PIK3CG: variants seen among roughly 807,000 people sequenced by gnomAD.
PIK3CG encodes phosphatidylinositol-4,5-bisphosphate 3-kinase catalytic subunit gamma.
PIK3CG carries 55 observed loss-of-function variants against 102.3 expected under a neutral mutation model. That is an observed-to-expected ratio of 0.54 (90% CI 0.43 to 0.67). The LOEUF is 0.67. Ranked by LOEUF, PIK3CG falls within the 30% of genes least tolerant of loss-of-function variation. The pLI is 0.00. For synonymous variants in PIK3CG, 552 were observed against 540.0 expected (o/e 1.02, Z -0.31); for missense variants, 1,258 against 1,391.8 (o/e 0.90, Z 1.53).
intron 5 of PIK3CG, among the ~76,000 whole-genome samples, chr7:106,878,454 C>A (rs1790830816): frequency 6.6e-6 from 1 of 152,156 alleles, no homozygotes; most frequent in South Asian, 2.1e-4. Flanking sequence ...TTTCTCTCCT[C>A]TCTGAGACTT....
chr7:106,868,121 A>C lies in PIK3CG; in HGVS notation c.560A>C (p.Glu187Ala), dbSNP rs745445867. Residue 187 changes from glutamate (E) to alanine (A), a missense_variant, in exon 2 of 11, where the codon GAG becomes GCG. This residue lies in a region of PIK3CG where 832 missense variants were observed against 787.5 expected (regional missense o/e 1.06). Coordinates refer to ENST00000496166, the MANE Select transcript of PIK3CG (RefSeq NM_001282426.2). The surrounding 1 kb of genome is among the most constrained non-coding windows in gnomAD (Gnocchi z 6.2). ...RRGLVTPRMA[E>A]VASRDPKLYA... is the part of the protein sequence containing the mutation. ...GGCTTGGTGACCCCGCGCATGGCGGAGGTGGCCAGCCGCGACCCCAAGCTC... is the reference window on the plus strand; with the variant it reads ...GGCTTGGTGACCCCGCGCATGGCGGCGGTGGCCAGCCGCGACCCCAAGCTC... 2 of 1,611,364 alleles carry C rather than the reference A, an allele frequency of 1.2e-6. No individual in the cohort carries two copies. The highest frequency in any genetic ancestry group is 4.5e-5 in the East Asian group (2 of 44,650).
Position 106,899,172 on chromosome 7 carries a change from T to C in PIK3CG, c.3031-5937T>C, listed in dbSNP as rs910317156. Among the ~76,000 whole-genome samples, 3 of 152,134 alleles carry C rather than the reference T, an allele frequency of 2.0e-5. No individual in the cohort carries two copies. Among genetic ancestry groups the C allele is most frequent in the African/African-American group, 7.2e-5 (3 of 41,436 alleles). On this transcript the variant is annotated intron_variant, in intron 10 of 10. Transcript: ENST00000496166. This position sits in a 1 kb window ranked among gnomAD's most constrained non-coding sequence, Gnocchi z 4.6. ...TCTGATTTGGCTCTTGGTTTGGCTG[T>C]TGTTGGTGTATAGGAATGCGTGATT...
chr7:106,906,831 CTT>C lies in PIK3CG; in HGVS notation c.*1460_*1461del, dbSNP rs571080689. The C allele has an allele frequency of 8.3e-3, 1,499 of 179,556 alleles. No homozygotes were observed. The highest frequency in any genetic ancestry group is 0.014 in the East Asian group (170 of 12,546). 11.1% of individuals were successfully genotyped at this position (179,556 alleles called of 1,614,324 possible). On this transcript the variant is annotated 3_prime_UTR_variant, in exon 11 of 11. Coordinates refer to ENST00000496166, the MANE Select transcript of PIK3CG (RefSeq NM_001282426.2). ...GACTTTGAGGTAGTCCAGACCTTTT[CTT>C]TTTTTTTTTTTTTTTAATGTGTGCA...
intron 10 of PIK3CG, among the ~76,000 whole-genome samples, chr7:106,898,094 A>G (rs918428648): frequency 6.6e-6 from 1 of 151,936 alleles, no homozygotes; most frequent in African/African-American, 2.4e-5. Context: ...GGGAGATGGT[A>G]TCTCATTGTG....
Position 106,879,431 on chromosome 7 carries a change from T to C in PIK3CG, c.2392-88T>C, listed in dbSNP as rs1415779333. 1.9e-6 allele frequency: 2 copies of C among 1,034,114 alleles called. No individual in the cohort carries two copies. Among genetic ancestry groups the C allele is most frequent in the Admixed American group, 1.9e-5 (1 of 52,102 alleles). 64.1% of individuals were successfully genotyped at this position (1,034,114 alleles called of 1,614,324 possible). A position where few individuals can be genotyped will look rare whatever the true frequency, so the allele number is the denominator to read the frequency against. ...ACTAGGACTTTGTCCTTGTTGTTTA[T>C]AGTGATGTTTTGCAAGAGAATTTGT... On this transcript the variant is annotated intron_variant, in intron 5 of 10. Transcript: ENST00000496166. The surrounding 1 kb of genome is among the most constrained non-coding windows in gnomAD (Gnocchi z 4.9).
chr7:106,894,089 C>T lies in PIK3CG; in HGVS notation c.3030+7797C>T, dbSNP rs994945681. On this transcript the variant is annotated intron_variant, in intron 10 of 10. Coordinates refer to ENST00000496166, the MANE Select transcript of PIK3CG (RefSeq NM_001282426.2). This position sits in a 1 kb window ranked among gnomAD's most constrained non-coding sequence, Gnocchi z 4.4. ...ATGCAGTACATGACTGTATATAGGA[C>T]TTGTGATGTACAGTTTTAAATTAGC... is the stretch of plus-strand genomic sequence containing the variant. 2.0e-5 allele frequency among the ~76,000 whole-genome samples: 3 copies of T among 152,198 alleles called. No individual in the cohort carries two copies. Among genetic ancestry groups the T allele is most frequent in the Admixed American group, 2.0e-4 (3 of 15,282 alleles).
chr7:106,870,603 G>A (rs755439974), intron 2 of PIK3CG, among the ~76,000 whole-genome samples: 4 of 152,138 alleles, frequency 2.6e-5, no homozygotes, highest in African/African-American at 9.7e-5. Context: ...GGGTCCAAGG[G>A]ACACTTAATT....
intron 10 of PIK3CG, among the ~76,000 whole-genome samples, chr7:106,886,588 CTTTCAGGAAGGG>C (rs1406919868): frequency 1.3e-5 from 2 of 152,128 alleles, no homozygotes; most frequent in Non-Finnish European, 2.9e-5. Context: ...CTAAAGAGGG[CTTTCAGGAAGGG>C]TGTCTGCTGA....
At chr7:106,866,242 A>AT (rs1379623671) in intron 1 of PIK3CG, among the ~76,000 whole-genome samples, 1 of 152,254 alleles carries the variant, frequency 6.6e-6, no homozygotes, top group Non-Finnish European at 1.5e-5. Context: ...TGAAACATTA[A>AT]TTTTTTGTTT....
At position 106,899,811 on chromosome 7, in the gene PIK3CG, G is replaced by T. The variant is rs1791497211; in HGVS notation, c.3031-5298G>T. ...TGATGTTCACCAAGGATATTGGCCT[G>T]AAGTTTTCTTTTTTGTGTGTTTCTG... On this transcript the variant is annotated intron_variant, in intron 10 of 10. Transcript: ENST00000496166. This position sits in a 1 kb window ranked among gnomAD's most constrained non-coding sequence, Gnocchi z 4.6. 6.6e-6 allele frequency among the ~76,000 whole-genome samples: 1 copy of T among 152,140 alleles called. No homozygotes were observed.
rs1481147112 is a variant in PIK3CG, at chr7:106,905,302, G to A, written c.3224G>A (p.Cys1075Tyr). 1.9e-6 allele frequency: 3 copies of A among 1,614,088 alleles called. No individual in the cohort carries two copies. The highest frequency in any genetic ancestry group is 2.5e-6 in the Non-Finnish European group (3 of 1,179,970). The change falls in exon 11 of 11, where the codon TGC (cysteine) becomes TAC (tyrosine). Residue 1075 changes from cysteine (C) to tyrosine (Y), a missense_variant. Physicochemically the swap from Cys to Tyr is radical, Grantham distance 194. Around this residue, in one of 2 missense-constraint regions of PIK3CG, gnomAD observed 426 missense variants for 604.2 expected, o/e 0.71. Transcript: ENST00000496166. The surrounding 1 kb of genome is among the most constrained non-coding windows in gnomAD (Gnocchi z 5.6). ...KKYFLDQIEV[C>Y]RDKGWTVQFN... ...TATTTTCTTGATCAGATCGAAGTTT[G>A]CAGAGACAAAGGATGGACTGTGCAG...
rs896549028 is a variant in PIK3CG at position 106,907,838 on chromosome 7, G to A, written c.*2451G>A. Among the ~76,000 whole-genome samples the A allele has an allele frequency of 2.2e-5, 3 of 135,294 alleles. No individual in the cohort carries two copies. The highest frequency in any genetic ancestry group is 3.3e-5 in the Non-Finnish European group (2 of 61,472). The allele number at this position is 135,294 out of a possible 152,430, so 88.8% of individuals were successfully genotyped here. A position where few individuals can be genotyped will look rare whatever the true frequency, so the allele number is the denominator to read the frequency against. ...TATATATATATATGTATGTGTGTGT[G>A]TATATATATATATATATATCACAGT... On this transcript the variant is annotated 3_prime_UTR_variant, in exon 11 of 11. Transcript: ENST00000496166.
rs568811890 is a variant in PIK3CG, at chr7:106,884,770, C to G, written c.2872+504C>G. ...GATGCAGCTCAATTTTCACTTGCCACTCACTGAGAGGGTTTTGATATGTAA... is the reference window on the plus strand; with the variant it reads ...GATGCAGCTCAATTTTCACTTGCCAGTCACTGAGAGGGTTTTGATATGTAA... On this transcript the variant is annotated intron_variant, in intron 9 of 10. Coordinates refer to ENST00000496166, the MANE Select transcript of PIK3CG (RefSeq NM_001282426.2). This position sits in a 1 kb window ranked among gnomAD's most constrained non-coding sequence, Gnocchi z 4.2. Among the ~76,000 whole-genome samples, 5 of 152,252 alleles carry G rather than the reference C, an allele frequency of 3.3e-5. No individual in the cohort carries two copies. Among genetic ancestry groups the G allele is most frequent in the African/African-American group, 1.2e-4 (5 of 41,536 alleles).
chr7:106,868,006 G>T lies in PIK3CG; in HGVS notation c.445G>T (p.Ala149Ser), dbSNP rs1192283060. The change falls in exon 2 of 11, where the codon GCC becomes TCC. Residue 149 changes from alanine (A) to serine (S), a missense_variant. Coordinates refer to ENST00000496166, the MANE Select transcript of PIK3CG (RefSeq NM_001282426.2). The surrounding 1 kb of genome is among the most constrained non-coding windows in gnomAD (Gnocchi z 6.2). ...GCACCCGCCCTCCGAGGAGTCCCAA[G>T]CCTTCCAGCGGCAGCTCACGGCGCT... ...QRHPPSEESQ[A>S]FQRQLTALIG... 1.2e-6 allele frequency: 2 copies of T among 1,612,240 alleles called. No individual in the cohort carries two copies. Among genetic ancestry groups the T allele is most frequent in the Non-Finnish European group, 1.7e-6 (2 of 1,179,102 alleles).
chr7:106,900,263 T>A (rs898961973), intron 10 of PIK3CG, among the ~76,000 whole-genome samples: 3 of 152,162 alleles, frequency 2.0e-5, no homozygotes, highest in Non-Finnish European at 4.4e-5. Context: ...ATATATATAT[T>A]AAGGATAGTT....
In PIK3CG at chr7:106,906,578, A is replaced by G. The variant is rs1047018; in HGVS notation, c.*1191A>G. ...ACATCCTTCAGATTTCCTGAAAATAATTGAAATATCTTACTTTAAAAATAT... is the reference window on the plus strand; with the variant it reads ...ACATCCTTCAGATTTCCTGAAAATAGTTGAAATATCTTACTTTAAAAATAT... On this transcript the variant is annotated 3_prime_UTR_variant, in exon 11 of 11. Coordinates refer to ENST00000496166, the MANE Select transcript of PIK3CG (RefSeq NM_001282426.2). 1 of 230,106 alleles carries G rather than the reference A, an allele frequency of 4.3e-6. No individual in the cohort carries two copies. 14.3% of individuals were successfully genotyped at this position (230,106 alleles called of 1,614,324 possible).
rs1278964374 is a variant in PIK3CG, at chr7:106,890,363, A to G, written c.3030+4071A>G. ...CATCCAGCTAATTTTTCATATTTTT[A>G]GTAGAGACGGGGTTTCACCGTGTTA... On this transcript the variant is annotated intron_variant, in intron 10 of 10. Coordinates refer to ENST00000496166, the MANE Select transcript of PIK3CG (RefSeq NM_001282426.2). The surrounding 1 kb of genome is among the most constrained non-coding windows in gnomAD (Gnocchi z 4.2). Among the ~76,000 whole-genome samples the G allele has an allele frequency of 6.6e-6, 1 of 152,010 alleles. No individual in the cohort carries two copies. Among genetic ancestry groups the G allele is most frequent in the Non-Finnish European group, 1.5e-5 (1 of 68,002 alleles).
rs1258726641 is a variant in PIK3CG, at chr7:106,905,250, G to A, written c.3172G>A (p.Gly1058Arg). The A allele has an allele frequency of 6.2e-7, 1 of 1,613,962 alleles. No homozygotes were observed. The highest frequency in any genetic ancestry group is 1.3e-5 in the African/African-American group (1 of 74,914). The change falls in exon 11 of 11, where the codon GGG becomes AGG. Residue 1058 changes from glycine (G) to arginine (R), a missense_variant. By Grantham distance (125) the Gly-to-Arg change is moderately radical (BLOSUM62 -2). Coordinates refer to ENST00000496166, the MANE Select transcript of PIK3CG (RefSeq NM_001282426.2). This position sits in a 1 kb window ranked among gnomAD's most constrained non-coding sequence, Gnocchi z 5.6. ...IEYIRDALTV[G>R]KNEEDAKKYF... The stretch of plus-strand genomic sequence containing the variant: ...ATATATCCGGGATGCCCTCACAGTG[G>A]GGAAAAATGAGGAGGATGCTAAAAA...
At chr7:106,896,929 A>G (rs1791424259) in intron 10 of PIK3CG, among the ~76,000 whole-genome samples, 4 of 152,212 alleles carry the variant, frequency 2.6e-5, no homozygotes, top group African/African-American at 9.6e-5. Flanking sequence ...CCTACCACAC[A>G]CAAATGTCAC....
Sources: allele counts gnomAD v4.1 joint callset (sites outside exome capture counted in the v4.1 genomes callset), GRCh38; gene constraint gnomAD v4.1.1; regional missense constraint gnomAD v4.1.1; non-coding constraint Gnocchi (gnomAD v3.1); transcripts MANE v1.5; gene names NCBI Gene and HGNC (gene_info 2026-07-23, HGNC 2026-07-21).